Variants in MGMT observed in about 807,000 individuals in gnomAD.
The protein encoded by MGMT is methylated-DNA--protein-cysteine methyltransferase.
MGMT carries 14 observed loss-of-function variants against 15.9 expected under a neutral mutation model. That is an observed-to-expected ratio of 0.88 (90% CI 0.58 to 1.37). The LOEUF (loss-of-function observed/expected upper bound fraction) is 1.37, where lower values mean the gene tolerates loss of function less well. Ranked by LOEUF, MGMT falls within the 40% of genes most tolerant of loss-of-function variation. The pLI is 0.00. For missense variants in MGMT, 282 were observed against 268.1 expected (o/e 1.05, Z -0.36); for synonymous variants, 130 against 118.2 (o/e 1.10, Z -0.65).
At chr10:129,708,106 C>G in intron 3 of MGMT, 63 bp downstream of exon 3, 1 of 1,535,086 alleles carries the variant, frequency 6.5e-7, no homozygotes, top group Non-Finnish European at 8.8e-7. Flanking sequence ...CGATCGCTGA[C>G]ATCACAGTTC....
At chr10:129,610,098 A>G (rs749113881) in intron 2 of MGMT, among the ~76,000 whole-genome samples, 8 of 152,198 alleles carry the variant, frequency 5.3e-5, no homozygotes, top group Non-Finnish European at 1.2e-4. Flanking sequence ...GCTTTGGTCT[A>G]TTATTAAATA....
chr10:129,584,869 G>A (rs1439569998), intron 2 of MGMT, among the ~76,000 whole-genome samples: 5 of 152,258 alleles, frequency 3.3e-5, no homozygotes, highest in Middle Eastern at 6.8e-3. Context: ...ACCACATTTT[G>A]TTGATCTATA....
intron 2 of MGMT, among the ~76,000 whole-genome samples, chr10:129,666,505 A>G (rs567303883): frequency 1.3e-5 from 2 of 152,192 alleles, no homozygotes; most frequent in South Asian, 2.1e-4. Flanking sequence ...GTTTAGCCAT[A>G]TATATTTTTT....
chr10:129,530,652 C>T (rs1440965323), intron 1 of MGMT, among the ~76,000 whole-genome samples: 1 of 152,332 alleles, frequency 6.6e-6, no homozygotes, highest in Non-Finnish European at 1.5e-5. Flanking sequence ...GAGGGAGCCT[C>T]GAAATGCAAA....
chr10:129,567,313 C>T (rs1448939893), intron 2 of MGMT, among the ~76,000 whole-genome samples: 1 of 152,112 alleles, frequency 6.6e-6, no homozygotes, highest in Non-Finnish European at 1.5e-5. Context: ...TGCCACCTCC[C>T]ACCCCCATCC....
At chr10:129,585,910 CATT>C (rs145016634) in intron 2 of MGMT, among the ~76,000 whole-genome samples, 4,943 of 152,150 alleles carry the variant, frequency 0.032, 130 homozygotes, top group South Asian at 0.065. Flanking sequence ...ACTTCAGGGC[CATT>C]ATTAAGTGAA....
intron 2 of MGMT, among the ~76,000 whole-genome samples, chr10:129,642,027 G>C (rs1297926945): frequency 6.6e-6 from 1 of 152,084 alleles, no homozygotes; most frequent in East Asian, 1.9e-4. Flanking sequence ...ATTCTAGTAG[G>C]GCCACTTTTG....
At chr10:129,467,346 G>C in intron 1 of MGMT, 50 bp downstream of exon 1, 1 of 1,500,214 alleles carries the variant, frequency 6.7e-7, no homozygotes, top group Non-Finnish European at 8.9e-7. Flanking sequence ...GCTCTCCCTC[G>C]GGACGGTGGC....
chr10:129,468,921 T>A (rs1845200884), intron 1 of MGMT, among the ~76,000 whole-genome samples: 1 of 152,154 alleles, frequency 6.6e-6, no homozygotes, highest in Non-Finnish European at 1.5e-5. Context: ...AAATAAGGAT[T>A]TAACTAATAG....
At chr10:129,515,528 G>C (rs1589844432) in intron 1 of MGMT, among the ~76,000 whole-genome samples, 1 of 152,310 alleles carries the variant, frequency 6.6e-6, no homozygotes, top group South Asian at 2.1e-4. Flanking sequence ...GGGAAAGTTG[G>C]TGCTTTAGTG....
chr10:129,575,796 A>G, intron 2 of MGMT, among the ~76,000 whole-genome samples: 1 of 149,484 alleles, frequency 6.7e-6, no homozygotes, highest in African/African-American at 2.4e-5. Flanking sequence ...AGCAAGACTA[A>G]TAAAGAAGAA....
chr10:129,534,756 T>G (rs767318815), intron 1 of MGMT, among the ~76,000 whole-genome samples: 1 of 151,406 alleles, frequency 6.6e-6, no homozygotes, highest in African/African-American at 2.4e-5. Context: ...CGCAGAGATT[T>G]GGGATGCATG....
chr10:129,722,781 G>A (rs987244437), intron 3 of MGMT, among the ~76,000 whole-genome samples: 42 of 152,162 alleles, frequency 2.8e-4, no homozygotes, highest in Non-Finnish European at 4.7e-4. Flanking sequence ...CATGGCAGGC[G>A]GATCACTTGA....
chr10:129,565,097 C>T (rs938242446), intron 2 of MGMT, among the ~76,000 whole-genome samples: 8 of 152,212 alleles, frequency 5.3e-5, no homozygotes, highest in African/African-American at 9.6e-5. Context: ...TCTAGCTGGG[C>T]GCTGCGTGTA....
chr10:129,633,413 T>C (rs369515679), intron 2 of MGMT, among the ~76,000 whole-genome samples: 144 of 152,334 alleles, frequency 9.5e-4, no homozygotes, highest in Middle Eastern at 3.4e-3. Flanking sequence ...ACATTAGAGT[T>C]ACAACTGTGC....
chr10:129,609,719 A>T (rs1308048938), intron 2 of MGMT, among the ~76,000 whole-genome samples: 1 of 152,158 alleles, frequency 6.6e-6, no homozygotes, highest in Non-Finnish European at 1.5e-5. Context: ...CTGAGGTGGG[A>T]GGCTGGAAGC....
chr10:129,497,047 G>A (rs1342995443), intron 1 of MGMT, among the ~76,000 whole-genome samples: 1 of 152,068 alleles, frequency 6.6e-6, no homozygotes, highest in Non-Finnish European at 1.5e-5. Flanking sequence ...AAGTTCTGAA[G>A]CAAGTACTCT....
At chr10:129,647,922 G>C (rs1156985691) in intron 2 of MGMT, among the ~76,000 whole-genome samples, 3 of 152,212 alleles carry the variant, frequency 2.0e-5, no homozygotes, top group Admixed American at 2.0e-4. Context: ...TAAATGTGCT[G>C]TGCTGTTTAC....
At chr10:129,646,754 A>ATATATATATTTTTTTTTTTTTTTTTTTT in intron 2 of MGMT, among the ~76,000 whole-genome samples, 18 of 86,640 alleles carry the variant, frequency 2.1e-4, no homozygotes, top group Non-Finnish European at 4.4e-4. Flanking sequence ...ATATATATAT[A>ATATATATATTTTTTTTTTTTTTTTTTTT]TTTTCAGGGA....
Sources: gnomAD v4.1 joint callset for allele counts (sites outside exome capture counted in the v4.1 genomes callset) on GRCh38, gnomAD v4.1.1 for gene constraint, MANE v1.5 for transcripts, NCBI Gene and HGNC (gene_info 2026-07-23, HGNC 2026-07-21) for gene names.